GBP1: variants seen among roughly 807,000 people sequenced by gnomAD.
The protein encoded by GBP1 is guanylate binding protein 1.
In GBP1, 64 loss-of-function variants were observed where a neutral mutation model predicts 69.5. The ratio of observed to expected loss-of-function variants is 0.92; its 90% CI spans 0.75 to 1.13. GBP1 has a LOEUF of 1.13. Among genes scored for constraint, GBP1 ranks in the 50% most tolerant of loss-of-function variants. The pLI, the probability that GBP1 is intolerant of heterozygous loss-of-function variation, is 0.00. For synonymous variants in GBP1, 250 were observed against 261.2 expected, an observed-to-expected ratio of 0.96 and a Z score of 0.41; for missense variants, 630 against 704.1, an observed-to-expected ratio of 0.89 and a Z score of 1.19.
intron 10 of GBP1, 142 bp downstream of exon 10, chr1:89,054,540 C>T: frequency 1.3e-6 from 1 of 754,614 alleles, no homozygotes; most frequent in Admixed American, 2.6e-5. Flanking sequence ...TCAGGCTGGA[C>T]AGACAGGAAT....
chr1:89,059,107 A>T, intron 4 of GBP1, 64 bp from the exon 5 acceptor site: 1 of 1,605,598 alleles, frequency 6.2e-7, no homozygotes, highest in Non-Finnish European at 8.5e-7. Flanking sequence ...TTAGTTCAAC[A>T]CATACCCAAA....
rs1458130763 is a variant in GBP1 at position 89,059,000 on chromosome 1, G to A, written c.472C>T (p.Pro158Ser). ...LTHRIRSKSSPDENENEVEDS... is the reference protein window; with the variant it reads ...LTHRIRSKSSSDENENEVEDS... ...TCAACCTCATTCTCATTCTCATCAG[G>A]TGAGGATTTTGATCGGATTCTATGT... is the stretch of plus-strand genomic sequence containing the variant. Residue 158 changes from proline to serine, a missense_variant, in exon 5 of 11, where the codon CCT (proline) becomes TCT (serine). Transcript: ENST00000370473. The A allele has an allele frequency of 5.0e-6, 8 of 1,614,030 alleles. No homozygotes were observed. The highest frequency in any genetic ancestry group is 6.8e-6 in the Non-Finnish European group (8 of 1,180,036).
At chr1:89,064,479 G>A (rs1198295033) in intron 1 of GBP1, among the ~76,000 whole-genome samples, 1 of 152,124 alleles carries the variant, frequency 6.6e-6, no homozygotes, top group African/African-American at 2.4e-5. Context: ...GACAAAATTG[G>A]AAGCACTTCA....
intron 8 of GBP1, 185 bp downstream of exon 8, chr1:89,055,831 C>T: frequency 1.5e-6 from 1 of 689,170 alleles, no homozygotes; most frequent in Non-Finnish European, 2.5e-6. Flanking sequence ...TAATTGACTG[C>T]ACTCTCTTTG....
chr1:89,056,030 T>C lies in GBP1; in HGVS notation c.1354A>G (p.Arg452Gly). 2 of 1,613,980 alleles carry C rather than the reference T, an allele frequency of 1.2e-6. No individual in the cohort carries two copies. The highest frequency in any genetic ancestry group is 1.7e-6 in the Non-Finnish European group (2 of 1,179,864). ...DLKKKYYEEP[R>G]KGIQAEEILQ... ...ATCTTGGTTACCTGTATCCCCTTCC[T>C]CGGTTCCTCATAGTACTTTTTCTTC... is the stretch of plus-strand genomic sequence containing the variant. The change falls in exon 8 of 11, where the codon AGG becomes GGG. Residue 452 changes from arginine to glycine, a missense_variant. Arg to Gly is a moderately radical substitution (Grantham distance 125). Around this residue, in one of 5 missense-constraint regions of GBP1, gnomAD observed 367 missense variants for 369.5 expected, o/e 0.99. Coordinates refer to ENST00000370473, the MANE Select transcript of GBP1 (RefSeq NM_002053.3).
chr1:89,058,441 T>C, intron 5 of GBP1: 1 of 548,040 alleles, frequency 1.8e-6, no homozygotes. Context: ...CAAAGACAGC[T>C]GGCAGGCAGG....
rs1264652821 is a variant in GBP1, at chr1:89,052,738, G to C, written c.*617C>G. On this transcript the variant is annotated 3_prime_UTR_variant, in exon 11 of 11. Coordinates refer to ENST00000370473, the MANE Select transcript of GBP1 (RefSeq NM_002053.3). ...CTGGATGAACTGAACAATAAGAGAA[G>C]TTTTCTTCATTAGCCCAATTGTTTA... 1.3e-5 allele frequency: 2 copies of C among 152,188 alleles called. No homozygotes were observed. The highest frequency in any genetic ancestry group is 2.9e-5 in the Non-Finnish European group (2 of 68,022). 9.4% of individuals were successfully genotyped at this position (152,188 alleles called of 1,614,324 possible). A position where few individuals can be genotyped will look rare whatever the true frequency, so the allele number is the denominator to read the frequency against.
intron 1 of GBP1, among the ~76,000 whole-genome samples, chr1:89,064,199 ATGTG>A (rs759907157): frequency 4.1e-3 from 414 of 100,768 alleles, no homozygotes; most frequent in African/African-American, 7.5e-3. Flanking sequence ...GGGGCTGGGA[ATGTG>A]TGTGTGTGTG....
intron 8 of GBP1, 144 bp from the exon 9 acceptor site, chr1:89,055,359 A>G: frequency 7.2e-7 from 1 of 1,388,474 alleles, no homozygotes; most frequent in Non-Finnish European, 9.7e-7. Context: ...TGTCGGAGCG[A>G]CAGACACATG....
intron 10 of GBP1, among the ~76,000 whole-genome samples, chr1:89,053,766 G>T (rs1489914096): frequency 3.9e-5 from 6 of 152,222 alleles, no homozygotes; most frequent in Admixed American, 3.3e-4. Context: ...CAGAAGACAG[G>T]TAAGAAATCT....
intron 6 of GBP1, 149 bp downstream of exon 6, chr1:89,057,843 A>G (rs1680083135): frequency 2.1e-6 from 2 of 941,488 alleles, no homozygotes; most frequent in Non-Finnish European, 3.1e-6. Context: ...AATGTGACTA[A>G]CAATATATGT....
chr1:89,056,296 G>C, intron 7 of GBP1, 68 bp from the exon 8 acceptor site: 1 of 1,611,254 alleles, frequency 6.2e-7, no homozygotes, highest in Non-Finnish European at 8.5e-7. Context: ...TCAGAATTTT[G>C]GGAACGATTT....
chr1:89,054,240 C>T (rs910612437), intron 10 of GBP1, among the ~76,000 whole-genome samples: 1 of 152,064 alleles, frequency 6.6e-6, no homozygotes, highest in African/African-American at 2.4e-5. Context: ...GCTGGGACTA[C>T]AGGTGCCCGC....
At chr1:89,056,514 A>T (rs142672884) in intron 7 of GBP1, among the ~76,000 whole-genome samples, 102 of 152,342 alleles carry the variant, frequency 6.7e-4, no homozygotes, top group Non-Finnish European at 1.1e-3. Flanking sequence ...AATGTGGCTG[A>T]ACGGAAGCCT....
At position 89,057,611 on chromosome 1, in the gene GBP1, A is replaced by T. The variant is rs554077167; in HGVS notation, c.874+381T>A. ...TTCTGTAATGCTGGGAATGTTGTAT[A>T]TGTGCTTTTCAGTGTGCTAGTCACT... On this transcript the variant is annotated intron_variant, in intron 6 of 10. Transcript: ENST00000370473. Among the ~76,000 whole-genome samples the T allele has an allele frequency of 1.4e-4, 22 of 152,370 alleles. No individual in the cohort carries two copies. In the South Asian group the frequency reaches 3.3e-3, roughly 23 times the overall value.
intron 2 of GBP1, among the ~76,000 whole-genome samples, chr1:89,061,910 A>G (rs1680209738): frequency 6.6e-6 from 1 of 152,144 alleles, no homozygotes. Flanking sequence ...AAGATGCTCA[A>G]CATCACTAGT....
chr1:89,062,232 A>G (rs1570283305), intron 2 of GBP1, among the ~76,000 whole-genome samples: 1 of 152,238 alleles, frequency 6.6e-6, no homozygotes, highest in Non-Finnish European at 1.5e-5. Context: ...TATTAGCATT[A>G]TTTATAATAG....
At chr1:89,058,520 C>G in intron 5 of GBP1, 1 of 516,782 alleles carries the variant, frequency 1.9e-6, no homozygotes, top group Non-Finnish European at 3.4e-6. Context: ...ATGTTTTAGT[C>G]TATGTTCTTT....
chr1:89,058,776 A>G, intron 5 of GBP1, 65 bp downstream of exon 5: 4 of 1,570,728 alleles, frequency 2.5e-6, no homozygotes, highest in Admixed American at 1.7e-5. Flanking sequence ...TAGCAATAGT[A>G]AACTGAAAAA....
Sources: allele counts gnomAD v4.1 joint callset (sites outside exome capture counted in the v4.1 genomes callset), GRCh38; gene constraint gnomAD v4.1.1; regional missense constraint gnomAD v4.1.1; transcripts MANE v1.5; gene names NCBI Gene and HGNC (gene_info 2026-07-23, HGNC 2026-07-21).